Variants in EMSY observed in about 807,000 individuals in gnomAD.
EMSY encodes the protein EMSY transcriptional repressor, BRCA2 interacting, also known as BRCA2-interacting transcriptional repressor EMSY.
In EMSY, 26 loss-of-function variants were observed where a neutral mutation model predicts 134.6. The ratio of observed to expected loss-of-function variants is 0.19; its 90% confidence interval spans 0.14 to 0.27. EMSY has a LOEUF of 0.27. Ranked by LOEUF, EMSY falls within the 10% of genes least tolerant of loss-of-function variation. EMSY has a pLI of 1.00. For missense variants in EMSY, 1,305 were observed against 1,611.4 expected (o/e 0.81, Z 3.26); for synonymous variants, 579 against 577.8 (o/e 1.00, Z -0.03).
intron 13 of EMSY, among the ~76,000 whole-genome samples, chr11:76,527,903 T>C (rs1030885014): frequency 6.6e-6 from 1 of 152,106 alleles, no homozygotes; most frequent in Non-Finnish European, 1.5e-5. Flanking sequence ...GCACAAAAAT[T>C]CCACTGGGAA....
intron 8 of EMSY, among the ~76,000 whole-genome samples, chr11:76,475,886 A>AG: frequency 6.6e-6 from 1 of 152,288 alleles, no homozygotes; most frequent in East Asian, 1.9e-4. Flanking sequence ...CTGGTTGTAG[A>AG]GGGGAAAGGG....
At chr11:76,469,446 A>G (rs1471262816) in intron 7 of EMSY, among the ~76,000 whole-genome samples, 1 of 152,344 alleles carries the variant, frequency 6.6e-6, no homozygotes, top group East Asian at 1.9e-4. Context: ...TCTCAGAGGT[A>G]TCAGAATTTG....
At chr11:76,544,705 G>T in exon 19 of EMSY, 1 of 1,614,094 alleles carries the variant, frequency 6.2e-7, no homozygotes, top group Non-Finnish European at 8.5e-7. Context: ...TGAAAACCAC[G>T]CAGCAGCTCC....
intron 4 of EMSY, among the ~76,000 whole-genome samples, chr11:76,454,516 A>G (rs1033792123): frequency 2.6e-5 from 4 of 152,122 alleles, no homozygotes; most frequent in African/African-American, 4.8e-5. Context: ...GGTGCTCTAG[A>G]AGTAATGGTA....
chr11:76,550,254 G>A (rs1951798814), exon 21 of EMSY: 1 of 914,328 alleles, frequency 1.1e-6, no homozygotes, highest in East Asian at 3.1e-5. Context: ...CTTAGGCTGT[G>A]GACCCTAAAA....
chr11:76,547,014 G>A (rs1214109529), intron 20 of EMSY: 2 of 444,106 alleles, frequency 4.5e-6, no homozygotes, highest in Admixed American at 2.5e-5. Flanking sequence ...ATCATCTCTT[G>A]TCATGCATAA....
chr11:76,528,602 T>A, intron 14 of EMSY, 136 bp downstream of exon 15: 3 of 610,510 alleles, frequency 4.9e-6, no homozygotes, highest in East Asian at 3.1e-5. Context: ...TTTTTTTTTT[T>A]TATTGTTTGA....
chr11:76,504,687 T>C (rs1950005556), intron 9 of EMSY, among the ~76,000 whole-genome samples: 1 of 152,196 alleles, frequency 6.6e-6, no homozygotes, highest in Non-Finnish European at 1.5e-5. Context: ...TAGGTATATA[T>C]ACAAGAGAAC....
chr11:76,488,044 ACT>A (rs374483300), intron 8 of EMSY, among the ~76,000 whole-genome samples: 25 of 152,232 alleles, frequency 1.6e-4, no homozygotes, highest in African/African-American at 5.5e-4. Context: ...CGTGTTAAAA[ACT>A]CTGAGTATTT....
intron 8 of EMSY, among the ~76,000 whole-genome samples, chr11:76,488,532 TTTG>T (rs996371899): frequency 2.0e-5 from 3 of 151,896 alleles, no homozygotes; most frequent in African/African-American, 7.3e-5. Context: ...CTATTTTTTT[TTTG>T]TTTTTTTTTT....
At chr11:76,472,749 C>G (rs1341706720) in exon 8 of EMSY, 1 of 1,613,966 alleles carries the variant, frequency 6.2e-7, no homozygotes, top group East Asian at 2.2e-5. Context: ...GTGGCAGCAG[C>G]AGTTCTACAC....
intron 12 of EMSY, among the ~76,000 whole-genome samples, chr11:76,524,697 C>G (rs911151931): frequency 6.6e-6 from 1 of 152,152 alleles, no homozygotes; most frequent in African/African-American, 2.4e-5. Context: ...TTGACACAGG[C>G]AGCTCTAGTA....
At chr11:76,544,760 C>T (rs954615020) in exon 19 of EMSY, 17 of 1,614,146 alleles carry the variant, frequency 1.1e-5, no homozygotes, top group Non-Finnish European at 1.4e-5. Context: ...CTACGTGCAA[C>T]CCCAAACCCC....
intron 9 of EMSY, among the ~76,000 whole-genome samples, chr11:76,512,039 T>C (rs761811161): frequency 1.3e-5 from 2 of 152,206 alleles, no homozygotes; most frequent in Non-Finnish European, 1.5e-5. Context: ...TGTAAGGCTA[T>C]TAAATAAATA....
chr11:76,544,195 A>C (rs1951554009), intron 18 of EMSY, 64 bp from the exon 20 acceptor site: 1 of 1,452,386 alleles, frequency 6.9e-7, no homozygotes, highest in Non-Finnish European at 9.3e-7. Flanking sequence ...TTCAGTTAAG[A>C]GGAAAATGTA....
intron 15 of EMSY, among the ~76,000 whole-genome samples, chr11:76,536,313 G>A (rs2136546988): frequency 6.6e-6 from 1 of 152,224 alleles, no homozygotes; most frequent in South Asian, 2.1e-4. Context: ...AAAATTGACA[G>A]CTCTGTCTTG....
intron 3 of EMSY, among the ~76,000 whole-genome samples, 178 bp downstream of exon 3, chr11:76,452,135 A>G (rs138496923): frequency 1.2e-4 from 18 of 152,364 alleles, no homozygotes; most frequent in Non-Finnish European, 2.1e-4. Flanking sequence ...TGTATAATTT[A>G]CCATTTATTG....
chr11:76,510,374 A>C (rs1024404316), intron 9 of EMSY, among the ~76,000 whole-genome samples: 5 of 152,226 alleles, frequency 3.3e-5, no homozygotes, highest in African/African-American at 1.2e-4. Context: ...AGTATAATGT[A>C]ATAATTGATT....
chr11:76,546,041 A>C lies in EMSY; in HGVS notation c.3518A>C (p.Lys1173Thr), dbSNP rs569141691. The change falls in exon 20 of 21, where the codon AAG (lysine) becomes ACG (threonine). Residue 1173 changes from lysine to threonine, a missense_variant. Around this residue, in one of 7 missense-constraint regions of EMSY, gnomAD observed 664 missense variants for 763.9 expected, o/e 0.87. Coordinates refer to ENST00000334736, the Ensembl canonical transcript of EMSY. The stretch of plus-strand genomic sequence containing the variant: ...CATATGATAGTGGATCCCCCAAAGA[A>C]GGCTCTTGCCACTAGCATGCTCACT... 2.5e-6 allele frequency: 4 copies of C among 1,614,184 alleles called. No homozygotes were observed. In the East Asian group the frequency reaches 6.7e-5, roughly 27 times the overall value.
Sources: allele counts gnomAD v4.1 joint callset (sites outside exome capture counted in the v4.1 genomes callset), GRCh38; gene constraint gnomAD v4.1.1; regional missense constraint gnomAD v4.1.1; transcripts MANE v1.5; gene names NCBI Gene and HGNC (gene_info 2026-07-23, HGNC 2026-07-21).